The following APOBEC3G variants were observed in gnomAD, a reference collection of about 807,000 sequenced individuals.
APOBEC3G encodes the protein apolipoprotein B mRNA editing enzyme catalytic subunit 3G, also known as DNA dC->dU-editing enzyme APOBEC-3G.
A neutral mutation model predicts 50.0 loss-of-function variants in APOBEC3G; 44 were observed. That is an observed-to-expected ratio of 0.88 (90% confidence interval 0.69 to 1.13). The LOEUF is 1.13. Ranked by LOEUF, APOBEC3G falls within the 50% of genes most tolerant of loss-of-function variation. The probability of loss-of-function intolerance (pLI) is 0.00; values close to 1 mark genes in which losing one functional copy is unlikely to be tolerated. For synonymous variants in APOBEC3G, 156 were observed against 175.3 expected, an observed-to-expected ratio of 0.89 and a Z score of 0.87; for missense variants, 469 against 492.0, an observed-to-expected ratio of 0.95 and a Z score of 0.44.
At chr22:39,086,760 C>T (rs545819088) in intron 6 of APOBEC3G, among the ~76,000 whole-genome samples, 193 bp downstream of exon 6, 106 of 152,072 alleles carry the variant, frequency 7.0e-4, no homozygotes, top group Non-Finnish European at 1.2e-3. Context: ...GAGATGTGGA[C>T]CTGGGGAGGG....
At chr22:39,087,215 C>T (rs1928736940) in intron 7 of APOBEC3G, 89 bp downstream of exon 7, 1 of 1,606,432 alleles carries the variant, frequency 6.2e-7, no homozygotes, top group Non-Finnish European at 8.5e-7. Context: ...TGCTCAGAGC[C>T]TCCTCTGGGT....
chr22:39,083,958 G>A (rs911716535), intron 5 of APOBEC3G, 74 bp downstream of exon 5: 69 of 1,525,422 alleles, frequency 4.5e-5, no homozygotes, highest in Non-Finnish European at 6.0e-5. Context: ...AAGGTTCTGG[G>A]TGGTACCTGT....
At chr22:39,085,811 C>T (rs937823618) in intron 5 of APOBEC3G, among the ~76,000 whole-genome samples, 1 of 151,940 alleles carries the variant, frequency 6.6e-6, no homozygotes, top group African/African-American at 2.4e-5. Flanking sequence ...CGCTTGAACC[C>T]GGGAGGTGGA....
rs1311559777 is a variant in APOBEC3G, at chr22:39,087,488, C to T, written c.*67C>T. On this transcript the variant is annotated 3_prime_UTR_variant, in exon 8 of 8. Coordinates refer to ENST00000407997, the MANE Select transcript of APOBEC3G (RefSeq NM_021822.4). ...GAGCCTCAGAATAAAAGATCTTCTT[C>T]CAAGAAATGCAAACAGGCTGTTCAC... 6.2e-7 allele frequency: 1 copy of T among 1,613,270 alleles called. No individual in the cohort carries two copies. Among genetic ancestry groups the T allele is most frequent in the African/African-American group, 1.3e-5 (1 of 74,892 alleles).
rs1158361767 is a variant in APOBEC3G, at chr22:39,086,350, G to A, written c.807G>A (p.Trp269Ter). 6.8e-6 allele frequency: 11 copies of A among 1,613,874 alleles called. No individual in the cohort carries two copies. The highest frequency in any genetic ancestry group is 9.3e-6 in the Non-Finnish European group (11 of 1,179,816). The change falls in exon 6 of 8, where the codon TGG (tryptophan) becomes TGA (stop). Residue 269 changes from tryptophan (W) to a stop codon, truncating the protein, a stop_gained. Transcript: ENST00000407997. LOFTEE classifies it high-confidence loss of function. The stretch of plus-strand genomic sequence containing the variant: ...GCTTCCTGGACGTGATTCCCTTTTG[G>A]AAGCTGGACCTGGACCAGGACTACA... ...ELCFLDVIPF[W>*]KLDLDQDYRV...
intron 4 of APOBEC3G, 44 bp downstream of exon 4, chr22:39,081,629 C>T (rs755997584): frequency 2.0e-6 from 3 of 1,493,798 alleles, no homozygotes; most frequent in Non-Finnish European, 2.8e-6. Flanking sequence ...CCTCTCACCT[C>T]CTGCTCATCC....
rs1301574953 is a variant in APOBEC3G, at chr22:39,086,363, G to C, written c.820G>C (p.Asp274His). 1.2e-6 allele frequency: 2 copies of C among 1,614,064 alleles called. No homozygotes were observed. Among genetic ancestry groups the C allele is most frequent in the Non-Finnish European group, 1.7e-6 (2 of 1,179,970 alleles). Residue 274 changes from aspartate (D) to histidine (H), a missense_variant, in exon 6 of 8, where the codon GAC (aspartate) becomes CAC (histidine). Physicochemically the swap from Asp to His is moderately conservative, Grantham distance 81. Coordinates refer to ENST00000407997, the MANE Select transcript of APOBEC3G (RefSeq NM_021822.4). ...DVIPFWKLDL[D>H]QDYRVTCFTS... The stretch of plus-strand genomic sequence containing the variant: ...GATTCCCTTTTGGAAGCTGGACCTG[G>C]ACCAGGACTACAGGGTTACCTGCTT...
At chr22:39,084,086 C>A (rs1053821319) in intron 5 of APOBEC3G, among the ~76,000 whole-genome samples, 2 of 152,126 alleles carry the variant, frequency 1.3e-5, no homozygotes, top group Admixed American at 6.5e-5. Flanking sequence ...CAGCCCCACA[C>A]GCCTAACCAG....
intron 4 of APOBEC3G, 110 bp from the exon 5 acceptor site, chr22:39,083,621 C>A (rs973305190): frequency 2.3e-6 from 3 of 1,288,414 alleles, no homozygotes; most frequent in East Asian, 2.4e-5. Flanking sequence ...TGTGGGGAGC[C>A]GGGGGAAGGA....
chr22:39,081,168 G>A lies in APOBEC3G; in HGVS notation c.407G>A (p.Arg136His), dbSNP rs151002479. 1.7e-4 allele frequency: 280 copies of A among 1,614,210 alleles called. No homozygotes were observed. The African/African-American group carries it at 3.3e-3, about 19-fold the overall frequency. ...GACCCAGATTACCAGGAGGCGCTTC[G>A]CAGCCTGTGTCAGAAAAGAGACGGT... ...FWDPDYQEAL[R>H]SLCQKRDGPR... The change falls in exon 3 of 8, where the codon CGC (arginine) becomes CAC (histidine). Residue 136 changes from arginine to histidine, a missense_variant. Transcript: ENST00000407997.
rs1454512210 is a variant in APOBEC3G, at chr22:39,086,996, C to T, written c.1025-15C>T. 6.3e-7 allele frequency: 1 copy of T among 1,592,924 alleles called. No homozygotes were observed. The highest frequency in any genetic ancestry group is 1.3e-5 in the African/African-American group (1 of 74,628). ...CACAGCGGGAGTGTGACTTATCTCC[C>T]CTGTCCCTTTTCAGAATTTAAGCAC... is the stretch of plus-strand genomic sequence containing the variant. On this transcript the variant is annotated splice_polypyrimidine_tract_variant and intron_variant, in intron 6 of 7. Transcript: ENST00000407997.
At chr22:39,087,320 A>G in intron 7 of APOBEC3G, 87 bp from the exon 8 acceptor site, 2 of 1,605,216 alleles carry the variant, frequency 1.2e-6, no homozygotes, top group Non-Finnish European at 1.7e-6. Flanking sequence ...CTCCTCTCCG[A>G]TCATTGTCAC....
chr22:39,079,169 G>C (rs1181317134), intron 2 of APOBEC3G, 84 bp downstream of exon 2: 1 of 1,478,734 alleles, frequency 6.8e-7, no homozygotes, highest in East Asian at 2.4e-5. Flanking sequence ...TGAAGTGCCC[G>C]GCGGCGGGCT....
At chr22:39,077,020 A>G, upstream of APOBEC3G, 1 of 422,244 alleles carries the variant, frequency 2.4e-6, no homozygotes, top group Non-Finnish European at 4.4e-6. Context: ...CTGCTGGCTC[A>G]GCCTGGTGTG....
intron 4 of APOBEC3G, chr22:39,082,944 C>T (rs1184824490): frequency 6.5e-6 from 1 of 152,932 alleles, no homozygotes; most frequent in Non-Finnish European, 1.5e-5. Context: ...CTCCCCCACT[C>T]CCGGGCTGCT....
At position 39,081,240 on chromosome 22, in the gene APOBEC3G, A is replaced by C. The variant is rs748889073; in HGVS notation, c.466+13A>C. ...ATGAATTATGACGGTGAGAAGTGGG[A>C]GGTTCAGGGGTGTGGGAGAGACTGC... On this transcript the variant is annotated intron_variant, in intron 3 of 7. Coordinates refer to ENST00000407997, the MANE Select transcript of APOBEC3G (RefSeq NM_021822.4). 9 of 1,612,780 alleles carry C rather than the reference A, an allele frequency of 5.6e-6. No homozygotes were observed. The highest frequency in any genetic ancestry group is 7.6e-6 in the Non-Finnish European group (9 of 1,179,306).
At position 39,086,480 on chromosome 22, in the gene APOBEC3G, C is replaced by T. The variant is rs9622924; in HGVS notation, c.937C>T (p.Arg313Cys). The stretch of plus-strand genomic sequence containing the variant: ...CGTGAGCCTGTGCATCTTCACTGCC[C>T]GCATCTATGATGATCAAGGAAGATG... ...KHVSLCIFTA[R>C]IYDDQGRCQE... The change falls in exon 6 of 8, where the codon CGC becomes TGC. Residue 313 changes from arginine to cysteine, a missense_variant. Arg to Cys is a radical substitution (Grantham distance 180). Coordinates refer to ENST00000407997, the MANE Select transcript of APOBEC3G (RefSeq NM_021822.4). 6 of 1,614,150 alleles carry T rather than the reference C, an allele frequency of 3.7e-6. No individual in the cohort carries two copies. The highest frequency in any genetic ancestry group is 4.5e-5 in the East Asian group (2 of 44,888).
At position 39,083,866 on chromosome 22, in the gene APOBEC3G, G is replaced by A; in HGVS notation, c.717G>A (p.Arg239=). The part of the protein sequence containing the change: ...NDTWVLLNQR[R]GFLCNQAPHK... ...CCTGGGTCCTGCTGAACCAGCGCAGGGGCTTTCTATGCAACCAGGTGACCA... is the reference window on the plus strand; with the variant it reads ...CCTGGGTCCTGCTGAACCAGCGCAGAGGCTTTCTATGCAACCAGGTGACCA... The change falls in exon 5 of 8, where the codon AGG becomes AGA. Residue 239 remains arginine (R), a synonymous_variant. Transcript: ENST00000407997. 6.2e-7 allele frequency: 1 copy of A among 1,613,522 alleles called. No homozygotes were observed.
chr22:39,084,043 C>T (rs535069398), intron 5 of APOBEC3G, among the ~76,000 whole-genome samples, 159 bp downstream of exon 5: 1 of 152,200 alleles, frequency 6.6e-6, no homozygotes, highest in African/African-American at 2.4e-5. Flanking sequence ...GGGGAGACTT[C>T]GGCTTCAGTG....
Sources: allele counts gnomAD v4.1 joint callset (sites outside exome capture counted in the v4.1 genomes callset), GRCh38; gene constraint gnomAD v4.1.1; transcripts MANE v1.5; gene names NCBI Gene and HGNC (gene_info 2026-07-23, HGNC 2026-07-21).